GALNT9: variants seen among roughly 807,000 people sequenced by gnomAD.
GALNT9 encodes the protein GalNAc transferase 9.
A neutral mutation model predicts 63.1 loss-of-function variants in GALNT9; 47 were observed. That is an observed-to-expected ratio of 0.75 (90% confidence interval 0.59 to 0.95). The LOEUF is 0.95. GALNT9 is among the 40% of genes least tolerant of loss of function. GALNT9 has a pLI of 0.00. For missense variants in GALNT9, 829 were observed against 874.8 expected, an observed-to-expected ratio of 0.95 and a Z score of 0.66; for synonymous variants, 396 against 365.7, an observed-to-expected ratio of 1.08 and a Z score of -0.94.
intron 2 of GALNT9, among the ~76,000 whole-genome samples, chr12:132,281,883 C>T (rs1566011598): frequency 6.8e-6 from 1 of 147,572 alleles, no homozygotes; most frequent in Non-Finnish European, 1.5e-5. Context: ...GGAATCAGCT[C>T]CACTACAGCA....
At chr12:132,313,080 C>CCCACCCATCCACCCACTCACCCATCCAT (rs1566022254) in intron 1 of GALNT9, among the ~76,000 whole-genome samples, 1 of 151,018 alleles carries the variant, frequency 6.6e-6, no homozygotes, top group Non-Finnish European at 1.5e-5. Context: ...CACCCACTCA[C>CCCACCCATCCACCCACTCACCCATCCAT]CCACCCATCC....
chr12:132,216,610 C>T (rs935949675), intron 6 of GALNT9, among the ~76,000 whole-genome samples: 1 of 152,222 alleles, frequency 6.6e-6, no homozygotes, highest in Admixed American at 6.5e-5. Flanking sequence ...CTGGTCTCCG[C>T]TGGGTGTCTT....
chr12:132,235,174 G>A lies in GALNT9; in HGVS notation c.1077+12736C>T. Among the ~76,000 whole-genome samples, 2 of 142,476 alleles carry A rather than the reference G, an allele frequency of 1.4e-5. 1 individual carries two copies. The highest frequency in any genetic ancestry group is 4.3e-4 in the South Asian group (2 of 4,648). 93.5% of individuals were successfully genotyped at this position (142,476 alleles called of 152,430 possible). ...CTCGATGGGGTGACAGGGACAGCGT[G>A]GAGCCCCTAGTGCCACACACTCGAT... is the stretch of plus-strand genomic sequence containing the variant. On this transcript the variant is annotated intron_variant, in intron 6 of 10. Transcript: ENST00000328957.
intron 2 of GALNT9, among the ~76,000 whole-genome samples, chr12:132,267,910 C>G (rs1879698174): frequency 6.7e-6 from 1 of 149,930 alleles, no homozygotes; most frequent in Non-Finnish European, 1.5e-5. Context: ...CACACAAATC[C>G]ACATGCACTC....
At chr12:132,306,112 C>G (rs1270270493) in intron 1 of GALNT9, among the ~76,000 whole-genome samples, 3 of 152,208 alleles carry the variant, frequency 2.0e-5, no homozygotes, top group Non-Finnish European at 4.4e-5. Flanking sequence ...TTCTTGAGAC[C>G]CTCCCCAAAC....
At chr12:132,243,637 G>C (rs1228676713) in intron 6 of GALNT9, among the ~76,000 whole-genome samples, 4 of 152,102 alleles carry the variant, frequency 2.6e-5, no homozygotes, top group African/African-American at 7.2e-5. Context: ...AACTGCTTCT[G>C]CATAGCCCCC....
rs117160424 is a variant in GALNT9, at chr12:132,203,622, C to T, written c.1146G>A (p.Arg382=). ...AGTCAATGTCGTTGTTGTAGGGCTT[C>T]CTGGTGCGCTCGATGTGGGCCACGC... The part of the protein sequence containing the change: ...CSRVAHIERT[R]KPYNNDIDYY... Residue 382 remains arginine, a synonymous_variant, in exon 7 of 11, where the codon AGG becomes AGA. Coordinates refer to ENST00000328957, the MANE Select transcript of GALNT9 (RefSeq NM_001122636.2). The T allele has an allele frequency of 4.8e-3, 7,785 of 1,613,896 alleles. 269 individuals carry two copies. The East Asian group carries it at 0.071, about 15-fold the overall frequency.
At chr12:132,208,124 A>G (rs1876803636) in intron 6 of GALNT9, among the ~76,000 whole-genome samples, 1 of 152,246 alleles carries the variant, frequency 6.6e-6, no homozygotes. Context: ...CACAGTCTCA[A>G]GGGAAACAGT....
At chr12:132,303,440 C>A (rs1566019051) in intron 1 of GALNT9, among the ~76,000 whole-genome samples, 5 of 144,600 alleles carry the variant, frequency 3.5e-5, no homozygotes, top group Admixed American at 6.9e-5. Flanking sequence ...CGGGCACACC[C>A]TCGCCCGGGC....
chr12:132,290,733 A>G (rs1176080767), intron 1 of GALNT9, among the ~76,000 whole-genome samples: 1 of 91,588 alleles, frequency 1.1e-5, no homozygotes, highest in African/African-American at 6.2e-5. Flanking sequence ...CGTCCATAGC[A>G]CCCACATCCA....
In GALNT9 at chr12:132,263,203, A is replaced by G. The variant is rs78713876; in HGVS notation, c.420-578T>C. Among the ~76,000 whole-genome samples the G allele has an allele frequency of 6.8e-3, 1,041 of 152,332 alleles. 47 individuals are homozygous for G. In the South Asian group the frequency reaches 0.1, roughly 15 times the overall value. ...CCGCCCTGGCTCATAGCTGGTTCCA[A>G]GCCTCTGGTGAGAATTTCAAAGGGA... On this transcript the variant is annotated intron_variant, in intron 2 of 10. Transcript: ENST00000328957.
chr12:132,203,593 T>G lies in GALNT9; in HGVS notation c.1175A>C (p.Tyr392Ser), dbSNP rs1295495649. The G allele has an allele frequency of 1.2e-6, 2 of 1,613,844 alleles. No individual in the cohort carries two copies. Among genetic ancestry groups the G allele is most frequent in the Non-Finnish European group, 1.7e-6 (2 of 1,179,798 alleles). The change falls in exon 7 of 11, where the codon TAT becomes TCT. Residue 392 changes from tyrosine (Y) to serine (S), a missense_variant. By Grantham distance (144) the Tyr-to-Ser change is moderately radical. Coordinates refer to ENST00000328957, the MANE Select transcript of GALNT9 (RefSeq NM_001122636.2). ...RKPYNNDIDY[Y>S]AKRNALRAAE... ...GGCGCGCAGGGCGTTGCGCTTGGCA[T>G]AGTAGTCAATGTCGTTGTTGTAGGG...
chr12:132,197,658 G>T (rs1175060924), intron 10 of GALNT9, 134 bp downstream of exon 10: 3 of 686,408 alleles, frequency 4.4e-6, no homozygotes, highest in Non-Finnish European at 7.4e-6. Flanking sequence ...CTGATCCAAG[G>T]CCCGGTCCCC....
In GALNT9 at chr12:132,196,437, C is replaced by T; in HGVS notation, c.*670G>A. On this transcript the variant is annotated 3_prime_UTR_variant, in exon 11 of 11. Coordinates refer to ENST00000328957, the MANE Select transcript of GALNT9 (RefSeq NM_001122636.2). ...CAAGGGGCTGGGCTGCGGCAGGGCC[C>T]AGGTGCCTGGGAAAGAGGTGGGACC... 1.0e-6 allele frequency: 1 copy of T among 985,522 alleles called. No individual in the cohort carries two copies. Among genetic ancestry groups the T allele is most frequent in the South Asian group, 4.7e-5 (1 of 21,296 alleles). The allele number at this position is 985,522 out of a possible 1,614,324, so 61.0% of individuals were successfully genotyped here.
chr12:132,215,057 A>G (rs1385527122), intron 6 of GALNT9, among the ~76,000 whole-genome samples: 1 of 152,128 alleles, frequency 6.6e-6, no homozygotes, highest in Non-Finnish European at 1.5e-5. Context: ...CAGCGTCCTC[A>G]CCTGCCACGC....
intron 8 of GALNT9, 87 bp from the exon 9 acceptor site, chr12:132,199,356 A>C (rs1440883291): frequency 2.0e-6 from 2 of 980,320 alleles, no homozygotes; most frequent in African/African-American, 3.2e-5. Flanking sequence ...TGCAGCCAGC[A>C]CCTAAGGAGG....
chr12:132,257,848 C>T lies in GALNT9; in HGVS notation c.800G>A (p.Arg267His), dbSNP rs556119200. Residue 267 changes from arginine to histidine, a missense_variant, in exon 5 of 11, where the codon CGT becomes CAT. Transcript: ENST00000328957. ...GTCGATGGCTGGCAGCACGATGCGA[C>T]GCCGGTCCTCTCGGATCCGCGACAG... ...PALSRIREDR[R>H]RIVLPAIDNI... The T allele has an allele frequency of 4.1e-4, 642 of 1,548,912 alleles. No homozygotes were observed. The highest frequency in any genetic ancestry group is 1.0e-3 in the Middle Eastern group (6 of 5,984).
chr12:132,221,051 CAA>C (rs550355613), intron 6 of GALNT9, among the ~76,000 whole-genome samples: 10,366 of 70,822 alleles, frequency 0.15, 1,058 homozygotes, highest in Admixed American at 0.17. Flanking sequence ...GAGATTGTGT[CAA>C]AAAAAAAAAA....
chr12:132,217,138 C>T (rs946130705), intron 6 of GALNT9, among the ~76,000 whole-genome samples: 5 of 152,140 alleles, frequency 3.3e-5, no homozygotes, highest in Non-Finnish European at 5.9e-5. Context: ...TACCCATCTA[C>T]TCACTTATTC....
Sources: gnomAD v4.1 joint callset for allele counts (sites outside exome capture counted in the v4.1 genomes callset) on GRCh38, gnomAD v4.1.1 for gene constraint, MANE v1.5 for transcripts, NCBI Gene and HGNC (gene_info 2026-07-23, HGNC 2026-07-21) for gene names.